Variants in FBXL17 observed in about 807,000 individuals in gnomAD.
FBXL17 encodes F-box and leucine rich repeat protein 17, also known as F-box/LRR-repeat protein 17.
FBXL17 carries 22 observed loss-of-function variants against 66.2 expected under a neutral mutation model. The ratio of observed to expected loss-of-function variants is 0.33; its 90% confidence interval spans 0.24 to 0.47. FBXL17 has a LOEUF of 0.47. Among genes scored for constraint, FBXL17 ranks in the 20% least tolerant of loss-of-function variants. The pLI, the probability that FBXL17 is intolerant of heterozygous loss-of-function variation, is 1.00. For missense variants in FBXL17, 878 were observed against 948.2 expected, an observed-to-expected ratio of 0.93 and a Z score of 0.97; for synonymous variants, 474 against 400.5, an observed-to-expected ratio of 1.18 and a Z score of -2.19.
chr5:107,948,187 T>C (rs1367531140), intron 7 of FBXL17, among the ~76,000 whole-genome samples: 1 of 152,206 alleles, frequency 6.6e-6, no homozygotes, highest in African/African-American at 2.4e-5. Flanking sequence ...GAAATAAACC[T>C]TTTGAAAGTA....
intron 4 of FBXL17, among the ~76,000 whole-genome samples, chr5:108,246,447 G>A (rs890924574): frequency 1.3e-5 from 2 of 152,154 alleles, no homozygotes; most frequent in African/African-American, 4.8e-5. Flanking sequence ...AGCCCAGGAG[G>A]TTGAGGTTGC....
At chr5:107,894,125 C>A (rs868113026) in intron 7 of FBXL17, among the ~76,000 whole-genome samples, 7 of 152,114 alleles carry the variant, frequency 4.6e-5, no homozygotes, top group Non-Finnish European at 8.8e-5. Flanking sequence ...AGACCTCTCA[C>A]GGTATCTAAT....
intron 5 of FBXL17, among the ~76,000 whole-genome samples, chr5:108,202,138 T>A (rs1753922921): frequency 6.6e-6 from 1 of 152,152 alleles, no homozygotes; most frequent in African/African-American, 2.4e-5. Context: ...TATGTTTATG[T>A]TAAAGCCTGA....
chr5:108,372,776 T>G (rs1375656492), intron 1 of FBXL17, among the ~76,000 whole-genome samples: 1 of 151,984 alleles, frequency 6.6e-6, no homozygotes, highest in African/African-American at 2.4e-5. Flanking sequence ...CTATAAAGAG[T>G]CCATCAGGCT....
chr5:108,187,542 T>G (rs199532063), intron 5 of FBXL17, among the ~76,000 whole-genome samples: 2,014 of 152,324 alleles, frequency 0.013, 51 homozygotes, highest in African/African-American at 0.047. Flanking sequence ...AGGAGATGTT[T>G]CAATCATGAA....
At chr5:108,166,505 A>T (rs932324709) in intron 6 of FBXL17, among the ~76,000 whole-genome samples, 14 of 152,242 alleles carry the variant, frequency 9.2e-5, no homozygotes, top group African/African-American at 2.4e-4. Flanking sequence ...AACCTGATTT[A>T]AAAAATACTC....
intron 6 of FBXL17, among the ~76,000 whole-genome samples, chr5:108,083,751 C>G (rs1748864724): frequency 1.3e-5 from 2 of 152,098 alleles, no homozygotes; most frequent in South Asian, 4.2e-4. Flanking sequence ...TGGCTTAAAG[C>G]ATACTGGAAA....
intron 4 of FBXL17, among the ~76,000 whole-genome samples, chr5:108,336,973 G>T (rs1308526658): frequency 6.6e-6 from 1 of 152,004 alleles, no homozygotes; most frequent in Non-Finnish European, 1.5e-5. Flanking sequence ...ATCTCAAAGA[G>T]AATTTTTGGC....
intron 7 of FBXL17, among the ~76,000 whole-genome samples, chr5:107,890,357 TAA>T (rs397961122): frequency 1.4e-5 from 2 of 141,534 alleles, no homozygotes. Flanking sequence ...GGTCTCAGAT[TAA>T]AAAAAAAAAA....
intron 7 of FBXL17, among the ~76,000 whole-genome samples, chr5:108,010,511 C>T (rs752555997): frequency 2.6e-5 from 4 of 151,896 alleles, no homozygotes; most frequent in African/African-American, 4.8e-5. Context: ...CCTGTGATGA[C>T]GAATATAATA....
At chr5:107,906,187 A>G (rs928158438) in intron 7 of FBXL17, among the ~76,000 whole-genome samples, 14 of 152,288 alleles carry the variant, frequency 9.2e-5, no homozygotes, top group African/African-American at 2.4e-4. Flanking sequence ...CTACTAATAC[A>G]TATTTTTAAA....
intron 7 of FBXL17, among the ~76,000 whole-genome samples, chr5:107,989,026 A>G (rs1340558890): frequency 6.6e-6 from 1 of 152,002 alleles, no homozygotes; most frequent in Admixed American, 6.6e-5. Flanking sequence ...TAATAATTGT[A>G]TATATTTATG....
intron 6 of FBXL17, among the ~76,000 whole-genome samples, chr5:108,112,076 G>T (rs964817196): frequency 1.3e-5 from 2 of 152,220 alleles, no homozygotes; most frequent in Non-Finnish European, 2.9e-5. Flanking sequence ...CTTGGCTTAG[G>T]AGACAGAGTT....
intron 6 of FBXL17, among the ~76,000 whole-genome samples, chr5:108,074,471 A>C (rs1053978100): frequency 6.6e-6 from 1 of 151,878 alleles, no homozygotes; most frequent in Admixed American, 6.6e-5. Context: ...ACATTTTTAA[A>C]ATTACGTGTT....
At chr5:108,245,895 C>A (rs139766642) in intron 4 of FBXL17, among the ~76,000 whole-genome samples, 87 of 152,224 alleles carry the variant, frequency 5.7e-4, no homozygotes, top group Middle Eastern at 6.8e-3. Context: ...AACTCTTCTA[C>A]CCAAGTCCAA....
intron 5 of FBXL17, among the ~76,000 whole-genome samples, chr5:108,219,191 A>C (rs1754740895): frequency 6.6e-6 from 1 of 152,150 alleles, no homozygotes; most frequent in Non-Finnish European, 1.5e-5. Flanking sequence ...AATTGGTATT[A>C]TTTCTTTCTT....
At position 108,331,749 on chromosome 5, in the gene FBXL17, C is replaced by T. The variant is rs377317097; in HGVS notation, c.1506+16650G>A. Among the ~76,000 whole-genome samples the T allele has an allele frequency of 3.8e-3, 585 of 152,142 alleles. 2 individuals are homozygous for T. Among genetic ancestry groups the T allele is most frequent in the African/African-American group, 0.013 (560 of 41,514 alleles). On this transcript the variant is annotated intron_variant, in intron 4 of 8. Coordinates refer to ENST00000542267, the MANE Select transcript of FBXL17 (RefSeq NM_001163315.3). ...CTAGACATTCCTGACCAACTACACC[C>T]GTCACCTAACAGAGTAACTCTTCTA...
At chr5:107,937,331 G>C (rs1016276458) in intron 7 of FBXL17, among the ~76,000 whole-genome samples, 9 of 152,106 alleles carry the variant, frequency 5.9e-5, no homozygotes, top group Admixed American at 5.2e-4. Context: ...TTCTCTGAGG[G>C]TGGAATAAAG....
intron 7 of FBXL17, among the ~76,000 whole-genome samples, chr5:107,962,717 A>G (rs1751969205): frequency 6.6e-6 from 1 of 152,046 alleles, no homozygotes; most frequent in Non-Finnish European, 1.5e-5. Context: ...TTCATTTTGA[A>G]GGAGACATGT....
Sources: gnomAD v4.1 joint callset for allele counts (sites outside exome capture counted in the v4.1 genomes callset) on GRCh38, gnomAD v4.1.1 for gene constraint, MANE v1.5 for transcripts, NCBI Gene and HGNC (gene_info 2026-07-23, HGNC 2026-07-21) for gene names.